RBFOX1: variants seen among roughly 807,000 people sequenced by gnomAD.
RBFOX1 encodes the protein RNA binding fox-1 homolog 1.
A neutral mutation model predicts 57.7 loss-of-function variants in RBFOX1; 8 were observed. The observed-to-expected ratio is 0.14, with a 90% confidence interval of 0.08 to 0.25. The LOEUF (loss-of-function observed/expected upper bound fraction) is 0.25, where lower values mean the gene tolerates loss of function less well. Among genes scored for constraint, RBFOX1 ranks in the 10% least tolerant of loss-of-function variants. The pLI is 1.00. For synonymous variants in RBFOX1, 326 were observed against 222.4 expected (o/e 1.47, Z -4.15); for missense variants, 611 against 548.5 (o/e 1.11, Z -1.14).
intron 2 of RBFOX1, among the ~76,000 whole-genome samples, chr16:6,371,623 A>C (rs11077033): frequency 0.042 from 6,366 of 152,206 alleles, 432 homozygotes; most frequent in African/African-American, 0.14. Context: ...TAGAGCCAGG[A>C]GGCCATTTTT....
At chr16:6,253,685 GTGTGTGTGTGTGTGTATA>G (rs2097641268) in intron 1 of RBFOX1, among the ~76,000 whole-genome samples, 1 of 101,882 alleles carries the variant, frequency 9.8e-6, no homozygotes, top group East Asian at 4.8e-4. Context: ...ATGTGTGTGT[GTGTGTGTGTGTGTGTATA>G]TATATATATA....
chr16:6,714,258 C>G (rs541662484), intron 3 of RBFOX1, among the ~76,000 whole-genome samples: 1 of 152,170 alleles, frequency 6.6e-6, no homozygotes, highest in Non-Finnish European at 1.5e-5. Flanking sequence ...AATTAAACCT[C>G]TTTCCCATAT....
intron 3 of RBFOX1, among the ~76,000 whole-genome samples, chr16:6,677,718 C>G (rs1459150131): frequency 6.6e-6 from 1 of 152,046 alleles, no homozygotes; most frequent in Non-Finnish European, 1.5e-5. Context: ...ATCCTTTTTT[C>G]CTCTTTTGTA....
At chr16:6,589,521 C>T (rs190378480) in intron 2 of RBFOX1, among the ~76,000 whole-genome samples, 1 of 152,296 alleles carries the variant, frequency 6.6e-6, no homozygotes, top group Non-Finnish European at 1.5e-5. Flanking sequence ...GCCCACTGAT[C>T]CATCAAGTGC....
intron 1 of RBFOX1, among the ~76,000 whole-genome samples, chr16:6,170,176 G>A (rs574156930): frequency 6.6e-6 from 1 of 152,264 alleles, no homozygotes; most frequent in East Asian, 1.9e-4. Flanking sequence ...TGAGGCTATG[G>A]CATGAGGAAG....
chr16:5,367,355 T>C (rs1028012996), intron 1 of RBFOX1, among the ~76,000 whole-genome samples: 3 of 152,178 alleles, frequency 2.0e-5, no homozygotes, highest in Admixed American at 6.5e-5. Flanking sequence ...TTCCCATGGC[T>C]GGAGGATTAC....
intron 4 of RBFOX1, among the ~76,000 whole-genome samples, chr16:7,282,747 C>T (rs1027565032): frequency 5.9e-5 from 9 of 152,196 alleles, no homozygotes; most frequent in East Asian, 1.9e-4. Flanking sequence ...CCCTTTCTCC[C>T]TGAGTCCCCA....
chr16:7,633,242 C>T (rs8047911), intron 11 of RBFOX1, among the ~76,000 whole-genome samples: 2 of 151,894 alleles, frequency 1.3e-5, no homozygotes, highest in Non-Finnish European at 2.9e-5. Context: ...TTTAAAGGGT[C>T]GATTTTAGTA....
chr16:6,953,107 G>A (rs1209981365), intron 3 of RBFOX1, among the ~76,000 whole-genome samples: 3 of 152,120 alleles, frequency 2.0e-5, no homozygotes, highest in Non-Finnish European at 2.9e-5. Context: ...AGGCTTGAAG[G>A]TCTGCGACTG....
chr16:7,417,552 G>GTGTGTGTA, intron 4 of RBFOX1, among the ~76,000 whole-genome samples: 1 of 151,890 alleles, frequency 6.6e-6, no homozygotes, highest in Non-Finnish European at 1.5e-5. Context: ...GTGTGTGTGT[G>GTGTGTGTA]TGTGTGTGTT....
chr16:6,927,558 G>C (rs549565541), intron 3 of RBFOX1, among the ~76,000 whole-genome samples: 1 of 150,292 alleles, frequency 6.7e-6, no homozygotes, highest in Admixed American at 6.6e-5. Context: ...TTTGTTTTTC[G>C]TTTTTGCATC....
At chr16:6,355,836 T>C (rs2087211544) in intron 2 of RBFOX1, among the ~76,000 whole-genome samples, 5 of 152,222 alleles carry the variant, frequency 3.3e-5, no homozygotes, top group Admixed American at 3.3e-4. Context: ...TCGTATTCTA[T>C]ATTCTTTCAA....
At chr16:7,642,106 C>A (rs557177496) in intron 11 of RBFOX1, among the ~76,000 whole-genome samples, 1 of 152,168 alleles carries the variant, frequency 6.6e-6, no homozygotes, top group South Asian at 2.1e-4. Context: ...GACCCTGTCT[C>A]AAAAAATAAA....
chr16:6,499,337 G>A (rs936519028), intron 2 of RBFOX1, among the ~76,000 whole-genome samples: 1 of 151,710 alleles, frequency 6.6e-6, no homozygotes, highest in African/African-American at 2.4e-5. Context: ...TTCCTTTGGG[G>A]TATTTTTTTA....
In RBFOX1 at chr16:6,450,819, A is replaced by ATGTG. The variant is rs1567303499; in HGVS notation, c.-64+133763_-64+133764insGTGT. Among the ~76,000 whole-genome samples, 57 of 8,668 alleles carry ATGTG rather than the reference A, an allele frequency of 6.6e-3. 5 individuals are homozygous for ATGTG. The highest frequency in any genetic ancestry group is 0.012 in the East Asian group (1 of 82). 5.7% of individuals were successfully genotyped at this position (8,668 alleles called of 152,430 possible). On this transcript the variant is annotated intron_variant, in intron 2 of 15. Transcript: ENST00000550418. ...TATATATGTATATATATATATATAC[A>ATGTG]TATATATATATATATATGTGTATAT...
chr16:6,873,626 T>A (rs144885817), intron 3 of RBFOX1, among the ~76,000 whole-genome samples: 2 of 152,274 alleles, frequency 1.3e-5, no homozygotes, highest in African/African-American at 4.8e-5. Flanking sequence ...TGTGTAAGAT[T>A]TTACACCAGC....
intron 3 of RBFOX1, among the ~76,000 whole-genome samples, chr16:5,729,575 T>C (rs1057113569): frequency 6.6e-6 from 1 of 152,100 alleles, no homozygotes; most frequent in Non-Finnish European, 1.5e-5. Flanking sequence ...ATGTTAATTA[T>C]ATTTGTCCAG....
At chr16:6,379,661 T>C (rs2091584444) in intron 2 of RBFOX1, among the ~76,000 whole-genome samples, 1 of 149,386 alleles carries the variant, frequency 6.7e-6, no homozygotes, top group African/African-American at 2.5e-5. Flanking sequence ...TGTCAAGAGC[T>C]GTGCATTGGA....
intron 1 of RBFOX1, among the ~76,000 whole-genome samples, chr16:6,261,620 T>A (rs1041252252): frequency 3.3e-5 from 5 of 150,796 alleles, no homozygotes; most frequent in African/African-American, 1.2e-4. Flanking sequence ...GTCCACATTA[T>A]GGTGTTTTCT....
Sources: gnomAD v4.1 joint callset for allele counts (sites outside exome capture counted in the v4.1 genomes callset) on GRCh38, gnomAD v4.1.1 for gene constraint, MANE v1.5 for transcripts, NCBI Gene and HGNC (gene_info 2026-07-23, HGNC 2026-07-21) for gene names.